PHF14: variants seen among roughly 807,000 people sequenced by gnomAD.
The protein encoded by PHF14 is PHD finger protein 14.
In PHF14, 55 loss-of-function variants were observed where a neutral mutation model predicts 117.9. That is an observed-to-expected ratio of 0.47 (90% CI 0.38 to 0.58). The LOEUF (loss-of-function observed/expected upper bound fraction) is 0.58, where lower values mean the gene tolerates loss of function less well. PHF14 is among the 20% of genes least tolerant of loss of function. PHF14 has a pLI of 0.00. For synonymous variants in PHF14, 409 were observed against 368.6 expected, an observed-to-expected ratio of 1.11 and a Z score of -1.26; for missense variants, 978 against 1,122.2, an observed-to-expected ratio of 0.87 and a Z score of 1.84.
At chr7:11,021,431 G>C (rs913052693) in intron 5 of PHF14, among the ~76,000 whole-genome samples, 1 of 152,176 alleles carries the variant, frequency 6.6e-6, no homozygotes, top group African/African-American at 2.4e-5. Context: ...CATTGACTTT[G>C]ATAGGTATTT....
intron 17 of PHF14, among the ~76,000 whole-genome samples, chr7:11,132,684 T>C (rs1788121520): frequency 6.6e-6 from 1 of 151,862 alleles, no homozygotes; most frequent in Non-Finnish European, 1.5e-5. Flanking sequence ...TTTTTTATAA[T>C]GGTATAATGG....
chr7:11,081,792 G>A (rs182398572), intron 16 of PHF14, among the ~76,000 whole-genome samples: 1 of 151,546 alleles, frequency 6.6e-6, no homozygotes, highest in Non-Finnish European at 1.5e-5. Context: ...GGAGGCAGAG[G>A]TTGCAGTGAG....
At chr7:11,068,147 G>A (rs1410558207) in intron 16 of PHF14, among the ~76,000 whole-genome samples, 3 of 151,964 alleles carry the variant, frequency 2.0e-5, no homozygotes, top group Non-Finnish European at 2.9e-5. Context: ...TCAGGAGATC[G>A]AGACCATCCT....
chr7:11,111,672 C>T (rs1319833044), intron 17 of PHF14, among the ~76,000 whole-genome samples: 5 of 151,968 alleles, frequency 3.3e-5, no homozygotes, highest in African/African-American at 9.7e-5. Context: ...TGAATTTTCT[C>T]TCTGGAATAT....
In PHF14 at chr7:11,117,975, G is replaced by T. The variant is rs1033319667; in HGVS notation, c.2772+6508G>T. ...TTCTGGATTTTATATGGCCGACAGA[G>T]ACATCATTTTTAGGTAAGATGTATA... is the stretch of plus-strand genomic sequence containing the variant. On this transcript the variant is annotated intron_variant, in intron 17 of 17. Coordinates refer to ENST00000634607, the MANE Select transcript of PHF14 (RefSeq NM_001007157.2). Among the ~76,000 whole-genome samples, 3 of 151,794 alleles carry T rather than the reference G, an allele frequency of 2.0e-5. No individual in the cohort carries two copies. The East Asian group carries it at 5.8e-4, about 29-fold the overall frequency.
intron 13 of PHF14, among the ~76,000 whole-genome samples, chr7:11,048,824 C>T (rs748576350): frequency 2.6e-5 from 4 of 152,052 alleles, no homozygotes; most frequent in African/African-American, 9.7e-5. Flanking sequence ...AATCATGTGG[C>T]GGTTGTCTTG....
chr7:11,006,305 T>G (rs1783090409), intron 4 of PHF14: 1 of 404,948 alleles, frequency 2.5e-6, no homozygotes, highest in South Asian at 2.0e-5. Flanking sequence ...TTTTGTTTTC[T>G]GTTACTTGCC....
chr7:10,983,001 G>A lies in PHF14; in HGVS notation c.742G>A (p.Glu248Lys). 1.3e-6 allele frequency: 2 copies of A among 1,582,292 alleles called. No individual in the cohort carries two copies. Among genetic ancestry groups the A allele is most frequent in the Non-Finnish European group, 1.7e-6 (2 of 1,165,702 alleles). The part of the protein sequence containing the change: ...DDEDEGSGSD[E>K]DENDEGNDED... ...TGAAGATGAGGGAAGCGGGAGTGAT[G>A]AAGACGAGAATGATGAAGGCAATGA... is the stretch of plus-strand genomic sequence containing the variant. The change falls in exon 3 of 18, where the codon GAA becomes AAA. Residue 248 changes from glutamate (E) to lysine (K), a missense_variant. Glu to Lys is a moderately conservative substitution (Grantham distance 56). Transcript: ENST00000634607.
At chr7:11,147,224 T>A (rs1401466983) in intron 17 of PHF14, among the ~76,000 whole-genome samples, 1 of 152,166 alleles carries the variant, frequency 6.6e-6, no homozygotes, top group East Asian at 1.9e-4. Flanking sequence ...AGGATATATT[T>A]TTATGCTGCA....
At chr7:11,082,795 T>A (rs1218733122) in intron 16 of PHF14, among the ~76,000 whole-genome samples, 1 of 152,212 alleles carries the variant, frequency 6.6e-6, no homozygotes, top group Non-Finnish European at 1.5e-5. Context: ...AGAATTTTGG[T>A]TTCATTTTTT....
chr7:11,068,349 CAAAAAA>C (rs10659513), intron 16 of PHF14, among the ~76,000 whole-genome samples: 1 of 66,772 alleles, frequency 1.5e-5, no homozygotes. Flanking sequence ...GACTCCGTCT[CAAAAAA>C]AAAAAAAAAA....
intron 4 of PHF14, among the ~76,000 whole-genome samples, chr7:11,001,715 T>G (rs1303579773): frequency 6.6e-6 from 1 of 152,202 alleles, no homozygotes; most frequent in Non-Finnish European, 1.5e-5. Flanking sequence ...GTATATTAAG[T>G]TTGTATGCTG....
At chr7:11,136,504 G>A (rs1191943103) in intron 17 of PHF14, among the ~76,000 whole-genome samples, 1 of 151,994 alleles carries the variant, frequency 6.6e-6, no homozygotes, top group African/African-American at 2.4e-5. Flanking sequence ...AGTAAAAACT[G>A]AATTACATTT....
intron 6 of PHF14, 115 bp downstream of exon 6, chr7:11,023,094 T>C: frequency 3.8e-6 from 2 of 528,912 alleles, no homozygotes; most frequent in Non-Finnish European, 3.4e-6. Flanking sequence ...AATCATTCTA[T>C]TTAGCACTAA....
At position 11,062,850 on chromosome 7, in the gene PHF14, G is replaced by T. The variant is rs190231527; in HGVS notation, c.2654+765G>T. The T allele has an allele frequency of 2.3e-5, 23 of 984,928 alleles. No individual in the cohort carries two copies. The East Asian group carries it at 2.6e-3, about 112-fold the overall frequency. The allele number at this position is 984,928 out of a possible 1,614,324, so 61.0% of individuals were successfully genotyped here. A position where few individuals can be genotyped will look rare whatever the true frequency, so the allele number is the denominator to read the frequency against. On this transcript the variant is annotated intron_variant, in intron 16 of 17. Coordinates refer to ENST00000634607, the MANE Select transcript of PHF14 (RefSeq NM_001007157.2). ...AGGCATCAGACTTTCAAAGGACAGT[G>T]TCACAAAAGTTCTTACAGTTCTTAC...
rs1335023019 is a variant in PHF14, at chr7:11,122,427, ACG to A, written c.2772+10961_2772+10962del. Among the ~76,000 whole-genome samples the A allele has an allele frequency of 5.5e-5, 7 of 127,590 alleles. No homozygotes were observed. In the East Asian group the frequency reaches 6.6e-4, roughly 12 times the overall value. The allele number at this position is 127,590 out of a possible 152,430, so 83.7% of individuals were successfully genotyped here. ...TATATATACACGTATATATATATAC[ACG>A]TATATATATATACGTATATATATAT... On this transcript the variant is annotated intron_variant, in intron 17 of 17. Coordinates refer to ENST00000634607, the MANE Select transcript of PHF14 (RefSeq NM_001007157.2).
chr7:11,075,959 G>A (rs975411191), intron 16 of PHF14, among the ~76,000 whole-genome samples: 13 of 151,932 alleles, frequency 8.6e-5, no homozygotes, highest in Non-Finnish European at 1.3e-4. Flanking sequence ...ATGAAACCCC[G>A]TCTCTACCAA....
At chr7:11,167,292 A>G (rs895975566) in intron 17 of PHF14, among the ~76,000 whole-genome samples, 12 of 152,148 alleles carry the variant, frequency 7.9e-5, no homozygotes, top group African/African-American at 2.9e-4. Flanking sequence ...GAGCTTGATA[A>G]TGGCTGTTTT....
At chr7:11,054,601 A>G (rs977779016) in intron 14 of PHF14, among the ~76,000 whole-genome samples, 5 of 152,072 alleles carry the variant, frequency 3.3e-5, no homozygotes, top group Non-Finnish European at 7.4e-5. Context: ...TTTTTAATCA[A>G]TAGGTGGTAT....
Sources: gnomAD v4.1 joint callset for allele counts (sites outside exome capture counted in the v4.1 genomes callset) on GRCh38, gnomAD v4.1.1 for gene constraint, MANE v1.5 for transcripts, NCBI Gene and HGNC (gene_info 2026-07-23, HGNC 2026-07-21) for gene names.